Variants in TSHZ1 observed in about 807,000 individuals in gnomAD.
TSHZ1 encodes the protein teashirt homolog 1.
In TSHZ1, 12 loss-of-function variants were observed where a neutral mutation model predicts 67.1. That is an observed-to-expected ratio of 0.18 (90% CI 0.11 to 0.29). The LOEUF (loss-of-function observed/expected upper bound fraction) is 0.29, where lower values mean the gene tolerates loss of function less well. Ranked by LOEUF, TSHZ1 falls within the 10% of genes least tolerant of loss-of-function variation. TSHZ1 has a pLI of 1.00. For synonymous variants in TSHZ1, 632 were observed against 622.4 expected, an observed-to-expected ratio of 1.02 and a Z score of -0.23; for missense variants, 1,305 against 1,413.9, an observed-to-expected ratio of 0.92 and a Z score of 1.23.
chr18:75,240,561 G>T (rs935949451), intron 1 of TSHZ1, among the ~76,000 whole-genome samples: 1 of 152,176 alleles, frequency 6.6e-6, no homozygotes. Context: ...GAGATTTTAT[G>T]ATCTCAGTCC....
intron 1 of TSHZ1, among the ~76,000 whole-genome samples, chr18:75,248,414 C>T (rs2122560822): frequency 6.6e-6 from 1 of 152,350 alleles, no homozygotes; most frequent in East Asian, 1.9e-4. Flanking sequence ...CACATGTTTC[C>T]TTCACGCTCA....
intron 1 of TSHZ1, among the ~76,000 whole-genome samples, chr18:75,245,773 T>C (rs1291405194): frequency 6.6e-6 from 1 of 152,232 alleles, no homozygotes; most frequent in Non-Finnish European, 1.5e-5. Context: ...TCCACAGCTT[T>C]GTGATAAAGT....
chr18:75,227,863 A>T (rs1165869946), intron 1 of TSHZ1, among the ~76,000 whole-genome samples: 1 of 152,138 alleles, frequency 6.6e-6, no homozygotes, highest in East Asian at 1.9e-4. Context: ...TTGCAGCCAG[A>T]TGTGGGCTGA....
chr18:75,269,944 T>G (rs923731894), intron 1 of TSHZ1, among the ~76,000 whole-genome samples: 1 of 152,184 alleles, frequency 6.6e-6, no homozygotes, highest in African/African-American at 2.4e-5. Flanking sequence ...GAAAATAGTG[T>G]CCTCTGTAGC....
At chr18:75,214,480 A>C (rs2022740900) in intron 1 of TSHZ1, among the ~76,000 whole-genome samples, 1 of 152,240 alleles carries the variant, frequency 6.6e-6, no homozygotes, top group Admixed American at 6.5e-5. Context: ...TATGTGAGTC[A>C]AGCGATTTTC....
At chr18:75,257,633 C>T (rs2023377158) in intron 1 of TSHZ1, among the ~76,000 whole-genome samples, 1 of 151,510 alleles carries the variant, frequency 6.6e-6, no homozygotes, top group Admixed American at 6.6e-5. Context: ...AAAAAAAAGG[C>T]TGGTGTCTGC....
chr18:75,232,845 A>G (rs1315032604), intron 1 of TSHZ1, among the ~76,000 whole-genome samples: 1 of 152,258 alleles, frequency 6.6e-6, no homozygotes, highest in Non-Finnish European at 1.5e-5. Context: ...TTCTACAGAT[A>G]AATGGATTAA....
At chr18:75,212,419 T>C (rs59197299) in intron 1 of TSHZ1, among the ~76,000 whole-genome samples, 15 of 149,046 alleles carry the variant, frequency 1.0e-4, no homozygotes, top group African/African-American at 3.7e-4. Flanking sequence ...ACTTTTTTTT[T>C]ATTACCTCTA....
chr18:75,217,153 A>G (rs1463771923), intron 1 of TSHZ1, among the ~76,000 whole-genome samples: 1 of 152,226 alleles, frequency 6.6e-6, no homozygotes, highest in African/African-American at 2.4e-5. Flanking sequence ...GTGTGGGGCA[A>G]AGTGCCTTAG....
chr18:75,223,384 G>A (rs2022874910), intron 1 of TSHZ1, among the ~76,000 whole-genome samples: 1 of 152,098 alleles, frequency 6.6e-6, no homozygotes, highest in African/African-American at 2.4e-5. Flanking sequence ...TTTGATGTCA[G>A]GCTGGTTATG....
At chr18:75,251,363 T>A (rs2083446) in intron 1 of TSHZ1, among the ~76,000 whole-genome samples, 90,090 of 151,830 alleles carry the variant, frequency 0.59, 26,812 homozygotes, top group South Asian at 0.7. Flanking sequence ...TTGTTTTTTT[T>A]TTGCTCTACA....
At chr18:75,268,532 C>T (rs1185150866) in intron 1 of TSHZ1, among the ~76,000 whole-genome samples, 1 of 152,178 alleles carries the variant, frequency 6.6e-6, no homozygotes, top group Non-Finnish European at 1.5e-5. Context: ...CATTAAACTG[C>T]CTGCTAAACA....
intron 1 of TSHZ1, among the ~76,000 whole-genome samples, chr18:75,231,385 C>A (rs2022996849): frequency 6.6e-6 from 1 of 152,246 alleles, no homozygotes; most frequent in Non-Finnish European, 1.5e-5. Flanking sequence ...CTTCTCTGGC[C>A]TGGGGCTTCT....
intron 1 of TSHZ1, among the ~76,000 whole-genome samples, chr18:75,240,475 G>C (rs753569419): frequency 1.4e-4 from 21 of 152,088 alleles, no homozygotes; most frequent in Non-Finnish European, 2.8e-4. Flanking sequence ...AAAGAGGGTT[G>C]GGTTGCTTGT....
At chr18:75,261,807 G>A (rs7240363) in intron 1 of TSHZ1, among the ~76,000 whole-genome samples, 86,419 of 152,122 alleles carry the variant, frequency 0.57, 24,798 homozygotes, top group South Asian at 0.69. Flanking sequence ...GAGTTTTGAC[G>A]TCGGGGGTGC....
chr18:75,272,429 G>A (rs2023569821), intron 1 of TSHZ1, among the ~76,000 whole-genome samples: 1 of 152,192 alleles, frequency 6.6e-6, no homozygotes, highest in African/African-American at 2.4e-5. Flanking sequence ...ACCACAGGGC[G>A]ATTCTACTAG....
In TSHZ1 at chr18:75,287,316, T is replaced by G. The variant is rs1009799807; in HGVS notation, c.1909T>G (p.Ser637Ala). Residue 637 changes from serine (S) to alanine (A), a missense_variant, in exon 2 of 2, where the codon TCT (serine) becomes GCT (alanine). Around this residue, in one of 3 missense-constraint regions of TSHZ1, gnomAD observed 909 missense variants for 961.8 expected, o/e 0.95. Coordinates refer to ENST00000580243, the MANE Select transcript of TSHZ1 (RefSeq NM_001308210.2). This position sits in a 1 kb window ranked among gnomAD's most constrained non-coding sequence, Gnocchi z 5.0. ...LTPPPHKSNVSAMEELVEKVT... is the reference protein window; with the variant it reads ...LTPPPHKSNVAAMEELVEKVT... ...GCCCCCACCGCACAAGAGCAACGTG[T>G]CTGCCATGGAGGAGCTGGTGGAGAA... 3.7e-6 allele frequency: 6 copies of G among 1,613,922 alleles called. No homozygotes were observed. The highest frequency in any genetic ancestry group is 5.1e-6 in the Non-Finnish European group (6 of 1,180,024).
intron 1 of TSHZ1, among the ~76,000 whole-genome samples, chr18:75,268,641 G>T (rs1487011428): frequency 6.6e-6 from 1 of 152,168 alleles, no homozygotes. Flanking sequence ...AATGACTGCG[G>T]TGATTGCCAC....
At position 75,289,804 on chromosome 18, in the gene TSHZ1, A is replaced by T. The variant is rs1335183589; in HGVS notation, c.*1163A>T. Reference sequence around the variant, plus strand: ...GGGACTGTCAGACAAAAATAAATACATAAAAACAAAGCAAGCAATGCACTA... The same window carrying T: ...GGGACTGTCAGACAAAAATAAATACTTAAAAACAAAGCAAGCAATGCACTA... On this transcript the variant is annotated 3_prime_UTR_variant, in exon 2 of 2. Transcript: ENST00000580243. 1 of 167,152 alleles carries T rather than the reference A, an allele frequency of 6.0e-6. No individual in the cohort carries two copies. The highest frequency in any genetic ancestry group is 1.5e-5 in the Non-Finnish European group (1 of 68,136). 10.4% of individuals were successfully genotyped at this position (167,152 alleles called of 1,614,324 possible).
Sources: allele counts gnomAD v4.1 joint callset (sites outside exome capture counted in the v4.1 genomes callset), GRCh38; gene constraint gnomAD v4.1.1; regional missense constraint gnomAD v4.1.1; non-coding constraint Gnocchi (gnomAD v3.1); transcripts MANE v1.5; gene names NCBI Gene and HGNC (gene_info 2026-07-23, HGNC 2026-07-21).